The following MOCOS variants were observed in gnomAD, a reference collection of about 807,000 sequenced individuals.
The protein encoded by MOCOS is molybdenum cofactor sulfurase.
A neutral mutation model predicts 83.6 loss-of-function variants in MOCOS; 86 were observed. The ratio of observed to expected loss-of-function variants is 1.03; its 90% CI spans 0.86 to 1.23. The LOEUF (loss-of-function observed/expected upper bound fraction) is 1.23, where lower values mean the gene tolerates loss of function less well. MOCOS is among the 50% of genes most tolerant of loss of function. The pLI is 0.00. For synonymous variants in MOCOS, 445 were observed against 434.7 expected (o/e 1.02, Z -0.29); for missense variants, 1,120 against 1,126.9 (o/e 0.99, Z 0.09).
In MOCOS at chr18:36,191,032, G is replaced by GAAA. The variant is rs1246789036; in HGVS notation, c.142+3354_142+3356dup. On this transcript the variant is annotated intron_variant, in intron 1 of 14. Transcript: ENST00000261326. ...AGACCCTATCTCTCAAAAAAAAAAA[G>GAAA]AAAAAGAAAAAAAAGTGTGTAGCAC... is the stretch of plus-strand genomic sequence containing the variant. Among the ~76,000 whole-genome samples, 318 of 126,776 alleles carry GAAA rather than the reference G, an allele frequency of 2.5e-3. 10 individuals are homozygous for GAAA. Among genetic ancestry groups the GAAA allele is most frequent in the Middle Eastern group, 0.013 (3 of 234 alleles). The allele number at this position is 126,776 out of a possible 152,430, so 83.2% of individuals were successfully genotyped here.
chr18:36,263,404 C>T (rs778360576), intron 13 of MOCOS, among the ~76,000 whole-genome samples: 22 of 152,330 alleles, frequency 1.4e-4, no homozygotes, highest in Non-Finnish European at 2.6e-4. Flanking sequence ...AGTGTTTCAA[C>T]CCATGGAATG....
intron 8 of MOCOS, among the ~76,000 whole-genome samples, chr18:36,217,062 G>A (rs963453447): frequency 1.3e-5 from 2 of 152,180 alleles, no homozygotes; most frequent in East Asian, 1.9e-4. Flanking sequence ...CTAGAGAGAC[G>A]CGACAAATGT....
chr18:36,246,416 A>C (rs2091602496), intron 9 of MOCOS, among the ~76,000 whole-genome samples: 1 of 152,194 alleles, frequency 6.6e-6, no homozygotes, highest in African/African-American at 2.4e-5. Flanking sequence ...GCCATTTAGC[A>C]GGATTCTGGG....
At chr18:36,206,514 G>A (rs144476778) in intron 6 of MOCOS, among the ~76,000 whole-genome samples, 22 of 152,098 alleles carry the variant, frequency 1.4e-4, no homozygotes, top group African/African-American at 3.4e-4. Context: ...CCAAAGTGCC[G>A]GGATTACAGA....
In MOCOS at chr18:36,205,149, A is replaced by G. The variant is rs766273257; in HGVS notation, c.1091A>G (p.Gln364Arg). Residue 364 changes from glutamine to arginine, a missense_variant, in exon 6 of 15, where the codon CAG (glutamine) becomes CGG (arginine). Gln to Arg is a conservative substitution (Grantham distance 43). Transcript: ENST00000261326. ...QYTYVALSSL[Q>R]YPNGAPVVRI... ...ACCTACGTGGCCCTGTCCTCTCTCCAGTACCCCAATGGAGCCCCTGTGGTG... is the reference window on the plus strand; with the variant it reads ...ACCTACGTGGCCCTGTCCTCTCTCCGGTACCCCAATGGAGCCCCTGTGGTG... The G allele has an allele frequency of 2.5e-6, 4 of 1,613,890 alleles. No individual in the cohort carries two copies. The highest frequency in any genetic ancestry group is 2.2e-5 in the South Asian group (2 of 91,076).
At chr18:36,228,365 A>C (rs1272631065) in intron 9 of MOCOS, among the ~76,000 whole-genome samples, 1 of 152,228 alleles carries the variant, frequency 6.6e-6, no homozygotes, top group African/African-American at 2.4e-5. Flanking sequence ...TTCTATTATA[A>C]AAACACATGC....
At position 36,215,831 on chromosome 18, in the gene MOCOS, G is replaced by C. The variant is rs765378440; in HGVS notation, c.1651G>C (p.Val551Leu). Residue 551 changes from valine (V) to leucine (L), a missense_variant, in exon 8 of 15, where the codon GTG becomes CTG. Physicochemically the swap from Val to Leu is conservative, Grantham distance 32 (BLOSUM62 1). Coordinates refer to ENST00000261326, the MANE Select transcript of MOCOS (RefSeq NM_017947.4). Reference sequence around the variant, plus strand: ...GAACAACTCGTCTACTGTGAATGCTGTGCCTGTGGCCCCACCTGTGTGTGA... The same window carrying C: ...GAACAACTCGTCTACTGTGAATGCTCTGCCTGTGGCCCCACCTGTGTGTGA... ...VWNNSSTVNA[V>L]PVAPPVCDVA... 1 of 1,614,226 alleles carries C rather than the reference G, an allele frequency of 6.2e-7. No individual in the cohort carries two copies. Among genetic ancestry groups the C allele is most frequent in the Non-Finnish European group, 8.5e-7 (1 of 1,180,034 alleles).
chr18:36,237,040 A>G (rs879740438), intron 9 of MOCOS, among the ~76,000 whole-genome samples: 15,327 of 148,232 alleles, frequency 0.1, 889 homozygotes, highest in Non-Finnish European at 0.13. Context: ...GGGCTGAGAC[A>G]ATGGGGTTTT....
intron 2 of MOCOS, among the ~76,000 whole-genome samples, chr18:36,196,738 A>C (rs1485024807): frequency 1.3e-5 from 2 of 151,904 alleles, no homozygotes; most frequent in African/African-American, 4.8e-5. Context: ...TTGAGATTGC[A>C]GGTGGTGGTA....
At chr18:36,224,828 AT>A (rs897308369) in intron 9 of MOCOS, among the ~76,000 whole-genome samples, 10 of 152,168 alleles carry the variant, frequency 6.6e-5, no homozygotes, top group Non-Finnish European at 1.3e-4. Flanking sequence ...GTTTGAGAAG[AT>A]TTAGTATTAA....
rs543025219 is a variant in MOCOS, at chr18:36,213,350, T to G, written c.1219-16T>G. On this transcript the variant is annotated splice_polypyrimidine_tract_variant and intron_variant, in intron 6 of 14. Transcript: ENST00000261326. ...ACGTTGGTAATGGCTCATTCCATGT[T>G]ACATTAAATCCGCAGGTGGACAAAA... The G allele has an allele frequency of 6.2e-7, 1 of 1,603,010 alleles. No homozygotes were observed. Among genetic ancestry groups the G allele is most frequent in the South Asian group, 1.1e-5 (1 of 90,830 alleles).
At chr18:36,187,986 C>A (rs932665564) in intron 1 of MOCOS, among the ~76,000 whole-genome samples, 4 of 152,216 alleles carry the variant, frequency 2.6e-5, no homozygotes, top group Non-Finnish European at 4.4e-5. Flanking sequence ...TTGCGGGAGA[C>A]CCCTCACTGT....
intron 4 of MOCOS, among the ~76,000 whole-genome samples, chr18:36,201,358 T>C (rs1173929236): frequency 6.6e-6 from 1 of 152,108 alleles, no homozygotes; most frequent in Non-Finnish European, 1.5e-5. Context: ...ATGTTTTTTC[T>C]GTAAAGTAGA....
intron 5 of MOCOS, 77 bp downstream of exon 5, chr18:36,203,266 G>C: frequency 2.2e-6 from 3 of 1,363,612 alleles, no homozygotes; most frequent in Non-Finnish European, 3.1e-6. Flanking sequence ...GTGTGATTCA[G>C]GTAAAGGAGA....
chr18:36,200,172 T>C lies in MOCOS; in HGVS notation c.789T>C (p.Tyr263=). 1 of 1,614,198 alleles carries C rather than the reference T, an allele frequency of 6.2e-7. No homozygotes were observed. The highest frequency in any genetic ancestry group is 8.5e-7 in the Non-Finnish European group (1 of 1,180,026). Residue 263 remains tyrosine (Y), a synonymous_variant, in exon 4 of 15, where the codon TAT becomes TAC. Transcript: ENST00000261326. ...CCGACTTTGTCCCCATCTCCTTCTA[T>C]AAGATCTTCGGGTTTCCTACAGGCC... ...HQADFVPISF[Y]KIFGFPTGLG...
intron 8 of MOCOS, among the ~76,000 whole-genome samples, chr18:36,219,196 T>TA (rs199641895): frequency 0.39 from 59,114 of 149,806 alleles, 12,602 homozygotes; most frequent in South Asian, 0.6. Flanking sequence ...TTATTTTATT[T>TA]TTTTTTTTGA....
At chr18:36,210,850 C>CAAAAAAAAAAAAAA (rs60856965) in intron 6 of MOCOS, among the ~76,000 whole-genome samples, 580 of 48,044 alleles carry the variant, frequency 0.012, 74 homozygotes, top group Admixed American at 0.015. Flanking sequence ...GACTCTGTCT[C>CAAAAAAAAAAAAAA]AAAAAAAAAA....
chr18:36,188,203 T>C (rs1258315987), intron 1 of MOCOS, among the ~76,000 whole-genome samples: 2 of 152,238 alleles, frequency 1.3e-5, no homozygotes, highest in Non-Finnish European at 2.9e-5. Flanking sequence ...TCCTCTGGGA[T>C]AGCCTGTATT....
chr18:36,218,574 C>T (rs1054286659), intron 8 of MOCOS, among the ~76,000 whole-genome samples: 2 of 152,052 alleles, frequency 1.3e-5, no homozygotes, highest in Non-Finnish European at 2.9e-5. Flanking sequence ...GAATACAGTG[C>T]TGCCATCAAA....
Sources: allele counts gnomAD v4.1 joint callset (sites outside exome capture counted in the v4.1 genomes callset), GRCh38; gene constraint gnomAD v4.1.1; transcripts MANE v1.5; gene names NCBI Gene and HGNC (gene_info 2026-07-23, HGNC 2026-07-21).